The following SPAG16 variants were observed in gnomAD, a reference collection of about 807,000 sequenced individuals.
The protein encoded by SPAG16 is sperm associated antigen 16.
In SPAG16, 86 loss-of-function variants were observed where a neutral mutation model predicts 80.4. The observed-to-expected ratio is 1.07, with a 90% CI of 0.90 to 1.28. The LOEUF (loss-of-function observed/expected upper bound fraction) is 1.28, where lower values mean the gene tolerates loss of function less well. SPAG16 is among the 50% of genes most tolerant of loss of function. SPAG16 has a pLI of 0.00. For missense variants in SPAG16, 870 were observed against 765.3 expected, an observed-to-expected ratio of 1.14 and a Z score of -1.61; for synonymous variants, 294 against 265.9, an observed-to-expected ratio of 1.11 and a Z score of -1.03.
At chr2:213,310,658 T>C (rs2063150181) in intron 4 of SPAG16, among the ~76,000 whole-genome samples, 1 of 151,850 alleles carries the variant, frequency 6.6e-6, no homozygotes, top group South Asian at 2.1e-4. Flanking sequence ...TCTATGAATA[T>C]TCTTCAGTTA....
chr2:214,165,230 T>C (rs1400166668), intron 15 of SPAG16, among the ~76,000 whole-genome samples: 1 of 152,072 alleles, frequency 6.6e-6, no homozygotes, highest in African/African-American at 2.4e-5. Context: ...AAAACTATTA[T>C]ATCAGTGAGA....
intron 12 of SPAG16, among the ~76,000 whole-genome samples, chr2:213,956,690 T>C (rs2044159543): frequency 6.6e-6 from 1 of 151,944 alleles, no homozygotes; most frequent in South Asian, 2.1e-4. Context: ...CCAAGTGATC[T>C]GTCGTCTACC....
intron 13 of SPAG16, among the ~76,000 whole-genome samples, chr2:214,029,241 C>T (rs1208552653): frequency 6.6e-6 from 1 of 151,776 alleles, no homozygotes; most frequent in Non-Finnish European, 1.5e-5. Flanking sequence ...AGTAATGTGC[C>T]TGGTATGTGT....
At chr2:214,234,084 T>C (rs1211673159) in intron 15 of SPAG16, among the ~76,000 whole-genome samples, 1 of 150,288 alleles carries the variant, frequency 6.7e-6, no homozygotes, top group Non-Finnish European at 1.5e-5. Flanking sequence ...TCCCCCCCCA[T>C]GTGTCCATGT....
At chr2:213,787,505 G>A (rs1427899034) in intron 10 of SPAG16, among the ~76,000 whole-genome samples, 1 of 152,084 alleles carries the variant, frequency 6.6e-6, no homozygotes, top group East Asian at 1.9e-4. Flanking sequence ...GAGAAATTTG[G>A]TGAGGTGAGC....
intron 10 of SPAG16, among the ~76,000 whole-genome samples, chr2:213,845,322 C>T (rs1031289038): frequency 6.6e-6 from 1 of 151,718 alleles, no homozygotes; most frequent in Non-Finnish European, 1.5e-5. Context: ...CTCAGCCTCC[C>T]GAGTAGCTGG....
chr2:213,412,483 T>C (rs2069029661), intron 9 of SPAG16, among the ~76,000 whole-genome samples: 1 of 152,240 alleles, frequency 6.6e-6, no homozygotes, highest in Admixed American at 6.5e-5. Context: ...ATTGTTACTC[T>C]AAAGAGCACC....
chr2:213,904,814 G>A (rs1445533859), intron 11 of SPAG16, among the ~76,000 whole-genome samples: 2 of 152,148 alleles, frequency 1.3e-5, no homozygotes, highest in South Asian at 4.1e-4. Flanking sequence ...GAAATGAGAT[G>A]AGTAGAAGGA....
intron 15 of SPAG16, among the ~76,000 whole-genome samples, chr2:214,247,680 G>A (rs976854199): frequency 3.3e-5 from 5 of 152,100 alleles, no homozygotes; most frequent in Non-Finnish European, 5.9e-5. Context: ...CTAGGTATAT[G>A]GGAGGACAGG....
At chr2:213,885,676 T>C (rs1456936057) in intron 11 of SPAG16, among the ~76,000 whole-genome samples, 3 of 152,224 alleles carry the variant, frequency 2.0e-5, no homozygotes, top group African/African-American at 4.8e-5. Context: ...TAATCTATAA[T>C]GGAAGTCAAC....
chr2:213,463,786 C>T (rs1474153119), intron 9 of SPAG16, among the ~76,000 whole-genome samples: 8 of 152,306 alleles, frequency 5.3e-5, no homozygotes, highest in African/African-American at 1.7e-4. Context: ...GGGTTGGAGC[C>T]CCCATACAGA....
chr2:213,498,759 G>A (rs1559194360), intron 10 of SPAG16, among the ~76,000 whole-genome samples: 1 of 151,936 alleles, frequency 6.6e-6, no homozygotes, highest in Non-Finnish European at 1.5e-5. Context: ...CATCCATATG[G>A]TCATCTAAGA....
intron 10 of SPAG16, among the ~76,000 whole-genome samples, chr2:213,640,158 G>C (rs1013944267): frequency 5.3e-5 from 8 of 151,542 alleles, no homozygotes; most frequent in African/African-American, 1.9e-4. Context: ...TTTAAGTTTT[G>C]GTTGTTTTAA....
At chr2:214,079,843 A>T (rs769349) in intron 13 of SPAG16, among the ~76,000 whole-genome samples, 2,242 of 152,318 alleles carry the variant, frequency 0.015, 57 homozygotes, top group African/African-American at 0.051. Context: ...TGTTTAGAAG[A>T]GAAAAGAGAA....
At chr2:213,988,631 C>T (rs1345542876) in intron 12 of SPAG16, among the ~76,000 whole-genome samples, 2 of 151,420 alleles carry the variant, frequency 1.3e-5, no homozygotes, top group Non-Finnish European at 2.9e-5. Context: ...AGTCTTGTTT[C>T]TATATACTAG....
intron 10 of SPAG16, among the ~76,000 whole-genome samples, chr2:213,791,359 G>A (rs751738433): frequency 1.3e-5 from 2 of 151,540 alleles, no homozygotes; most frequent in Non-Finnish European, 2.9e-5. Context: ...TTTGGTAAAA[G>A]TGGAAAGCAA....
intron 9 of SPAG16, among the ~76,000 whole-genome samples, chr2:213,387,330 A>G (rs2067477287): frequency 6.6e-6 from 1 of 151,346 alleles, no homozygotes; most frequent in Non-Finnish European, 1.5e-5. Context: ...TTAAGAAAAT[A>G]GAAAGGAAAT....
At chr2:213,686,030 C>A (rs1394100247) in intron 10 of SPAG16, among the ~76,000 whole-genome samples, 1 of 152,136 alleles carries the variant, frequency 6.6e-6, no homozygotes, top group Non-Finnish European at 1.5e-5. Context: ...GTATCATAAT[C>A]AAGATAGTTA....
intron 10 of SPAG16, among the ~76,000 whole-genome samples, chr2:213,813,222 G>A (rs2072290557): frequency 6.6e-6 from 1 of 152,150 alleles, no homozygotes; most frequent in Non-Finnish European, 1.5e-5. Flanking sequence ...TTCAAAGAGA[G>A]GCAGGGCACA....
Sources: gnomAD v4.1 joint callset for allele counts (sites outside exome capture counted in the v4.1 genomes callset) on GRCh38, gnomAD v4.1.1 for gene constraint, MANE v1.5 for transcripts, NCBI Gene and HGNC (gene_info 2026-07-23, HGNC 2026-07-21) for gene names.